The following DACH1 variants were observed in gnomAD, a reference collection of about 807,000 sequenced individuals.
DACH1 encodes the protein dachshund homolog 1.
A neutral mutation model predicts 54.2 loss-of-function variants in DACH1; 12 were observed. The ratio of observed to expected loss-of-function variants is 0.22; its 90% CI spans 0.14 to 0.36. The LOEUF (loss-of-function observed/expected upper bound fraction) is 0.36. Ranked by LOEUF, DACH1 falls within the 10% of genes least tolerant of loss-of-function variation. The pLI, the probability that DACH1 is intolerant of heterozygous loss-of-function variation, is 1.00. For synonymous variants in DACH1, 386 were observed against 366.2 expected, an observed-to-expected ratio of 1.05 and a Z score of -0.62; for missense variants, 805 against 929.8, an observed-to-expected ratio of 0.87 and a Z score of 1.75.
At chr13:71,743,733 T>C (rs1048708793) in intron 1 of DACH1, among the ~76,000 whole-genome samples, 1 of 152,176 alleles carries the variant, frequency 6.6e-6, no homozygotes, top group African/African-American at 2.4e-5. Flanking sequence ...AAGATTGATA[T>C]GAATGTTTGA....
intron 6 of DACH1, among the ~76,000 whole-genome samples, chr13:71,556,347 C>G (rs531620540): frequency 2.0e-5 from 3 of 152,062 alleles, no homozygotes; most frequent in Non-Finnish European, 4.4e-5. Flanking sequence ...TGGGAAGATT[C>G]TTATATCCAC....
intron 1 of DACH1, among the ~76,000 whole-genome samples, chr13:71,765,980 G>C (rs1015880199): frequency 6.6e-6 from 1 of 150,788 alleles, no homozygotes; most frequent in Non-Finnish European, 1.5e-5. Flanking sequence ...TCCGCCTCCC[G>C]GGTTCACACC....
At chr13:71,572,722 C>T in intron 4 of DACH1, 118 bp downstream of exon 4, 1 of 1,093,410 alleles carries the variant, frequency 9.1e-7, no homozygotes, top group Admixed American at 2.9e-5. Flanking sequence ...TTTTAATAGT[C>T]TATTTACTAT....
chr13:71,760,542 A>C (rs1885362775), intron 1 of DACH1, among the ~76,000 whole-genome samples: 1 of 152,196 alleles, frequency 6.6e-6, no homozygotes, highest in Admixed American at 6.5e-5. Context: ...TTACAATTTC[A>C]AATAAACAGT....
chr13:71,725,447 T>G (rs572383054), intron 1 of DACH1, among the ~76,000 whole-genome samples: 2 of 152,094 alleles, frequency 1.3e-5, no homozygotes, highest in Non-Finnish European at 2.9e-5. Context: ...ACATTTAATA[T>G]TAAAGTAAAA....
chr13:71,687,081 G>A (rs1881200847), intron 1 of DACH1, among the ~76,000 whole-genome samples: 1 of 152,172 alleles, frequency 6.6e-6, no homozygotes, highest in African/African-American at 2.4e-5. Flanking sequence ...TTGCTCTGCT[G>A]ATCTGCAAGA....
chr13:71,799,079 G>A (rs1297696142), intron 1 of DACH1, among the ~76,000 whole-genome samples: 1 of 152,002 alleles, frequency 6.6e-6, no homozygotes, highest in Non-Finnish European at 1.5e-5. Context: ...CTTTATAAAA[G>A]CCTTGAATGC....
intron 1 of DACH1, among the ~76,000 whole-genome samples, chr13:71,726,365 A>G (rs1006364254): frequency 1.3e-5 from 2 of 152,170 alleles, no homozygotes; most frequent in African/African-American, 2.4e-5. Context: ...GATGAGTATT[A>G]AAAACAGTAA....
intron 10 of DACH1, among the ~76,000 whole-genome samples, chr13:71,457,754 C>CA (rs1478866839): frequency 6.6e-6 from 1 of 151,854 alleles, no homozygotes; most frequent in African/African-American, 2.4e-5. Flanking sequence ...CAAGATTATG[C>CA]AAAGAGATTC....
At chr13:71,489,276 T>TTCA in intron 6 of DACH1, 128 bp from the exon 7 acceptor site, 1 of 977,460 alleles carries the variant, frequency 1.0e-6, no homozygotes, top group Non-Finnish European at 1.5e-6. Context: ...CAGGAGAAAA[T>TTCA]GCTTTCTGCT....
chr13:71,716,174 A>G (rs566637220), intron 1 of DACH1, among the ~76,000 whole-genome samples: 2 of 152,060 alleles, frequency 1.3e-5, no homozygotes, highest in South Asian at 4.1e-4. Flanking sequence ...CTTAATAATC[A>G]TCATCTTCTA....
At chr13:71,639,710 C>T (rs1211957832) in intron 2 of DACH1, among the ~76,000 whole-genome samples, 1 of 151,992 alleles carries the variant, frequency 6.6e-6, no homozygotes, top group African/African-American at 2.4e-5. Flanking sequence ...GTCATCTGGC[C>T]ATATCAATCA....
At chr13:71,638,168 C>T (rs893587898) in intron 2 of DACH1, among the ~76,000 whole-genome samples, 3 of 152,092 alleles carry the variant, frequency 2.0e-5, no homozygotes, top group African/African-American at 7.2e-5. Context: ...AGATTATAGC[C>T]AATGGTAGTT....
At chr13:71,793,542 T>G (rs1361068143) in intron 1 of DACH1, among the ~76,000 whole-genome samples, 1 of 152,216 alleles carries the variant, frequency 6.6e-6, no homozygotes, top group Non-Finnish European at 1.5e-5. Context: ...TTTATTTTTT[T>G]CTTTCTTTTT....
chr13:71,713,055 G>C (rs1330776272), intron 1 of DACH1, among the ~76,000 whole-genome samples: 1 of 151,460 alleles, frequency 6.6e-6, no homozygotes, highest in African/African-American at 2.4e-5. Flanking sequence ...TGGCAGCAAG[G>C]GGTCACAAGC....
chr13:71,688,816 T>C (rs1216918489), intron 1 of DACH1, among the ~76,000 whole-genome samples: 1 of 152,162 alleles, frequency 6.6e-6, no homozygotes, highest in African/African-American at 2.4e-5. Context: ...AATACAAATG[T>C]TCCCTGGGGA....
At chr13:71,620,204 G>A (rs147219974) in intron 3 of DACH1, among the ~76,000 whole-genome samples, 13 of 151,912 alleles carry the variant, frequency 8.6e-5, no homozygotes, top group African/African-American at 2.2e-4. Context: ...AAGCATGAGC[G>A]AGCAAAAACA....
At chr13:71,504,950 A>T (rs1566302551) in intron 6 of DACH1, among the ~76,000 whole-genome samples, 2 of 152,222 alleles carry the variant, frequency 1.3e-5, no homozygotes. Flanking sequence ...TCAATACATT[A>T]TTTAAAAATA....
chr13:71,853,021 C>T (rs985792835), intron 1 of DACH1, among the ~76,000 whole-genome samples: 2 of 152,094 alleles, frequency 1.3e-5, no homozygotes, highest in Non-Finnish European at 2.9e-5. Flanking sequence ...ATCTTTTCAT[C>T]CTTGGGGCAA....
Sources: gnomAD v4.1 joint callset for allele counts (sites outside exome capture counted in the v4.1 genomes callset) on GRCh38, gnomAD v4.1.1 for gene constraint, MANE v1.5 for transcripts, NCBI Gene and HGNC (gene_info 2026-07-23, HGNC 2026-07-21) for gene names.